Variants in LANCL1 observed in about 807,000 individuals in gnomAD.
The protein encoded by LANCL1 is glutathione S-transferase LANCL1.
Under a neutral mutation model 50.6 loss-of-function variants are expected in LANCL1, and 50 were observed. That is an observed-to-expected ratio of 0.99 (90% CI 0.79 to 1.25). The LOEUF (loss-of-function observed/expected upper bound fraction) is 1.25, where lower values mean the gene tolerates loss of function less well. LANCL1 is among the 50% of genes most tolerant of loss of function. The pLI, the probability that LANCL1 is intolerant of heterozygous loss-of-function variation, is 0.00. For missense variants in LANCL1, 532 were observed against 480.7 expected (o/e 1.11, Z -1.00); for synonymous variants, 188 against 178.6 (o/e 1.05, Z -0.42).
At chr2:210,440,495 G>C in intron 6 of LANCL1, 103 bp downstream of exon 6, 2 of 1,131,004 alleles carry the variant, frequency 1.8e-6, no homozygotes, top group Non-Finnish European at 1.2e-6. Flanking sequence ...TAATGCAGTG[G>C]TTGACAGAAT....
At chr2:210,472,465 C>T (rs1298343040) in intron 2 of LANCL1, among the ~76,000 whole-genome samples, 2 of 152,034 alleles carry the variant, frequency 1.3e-5, no homozygotes, top group Non-Finnish European at 2.9e-5. Flanking sequence ...ATTCAAGCTG[C>T]AGCAAGGTAA....
intron 3 of LANCL1, among the ~76,000 whole-genome samples, chr2:210,467,949 A>AT (rs1694118633): frequency 6.6e-6 from 1 of 152,228 alleles, no homozygotes; most frequent in Admixed American, 6.5e-5. Context: ...CATGGTACAA[A>AT]TTGGAAACTT....
chr2:210,453,522 C>G (rs1304748469), intron 4 of LANCL1, among the ~76,000 whole-genome samples: 1 of 152,172 alleles, frequency 6.6e-6, no homozygotes, highest in Non-Finnish European at 1.5e-5. Context: ...ATCTATGAAT[C>G]TTGGTCTCAT....
intron 3 of LANCL1, among the ~76,000 whole-genome samples, chr2:210,458,232 T>C (rs1221827385): frequency 6.6e-6 from 1 of 152,076 alleles, no homozygotes; most frequent in Non-Finnish European, 1.5e-5. Context: ...AAGAGAAAAA[T>C]AAACTTCGGT....
chr2:210,464,982 A>AAAACAACAACAAC (rs747313716), intron 3 of LANCL1, among the ~76,000 whole-genome samples: 1 of 139,532 alleles, frequency 7.2e-6, no homozygotes, highest in African/African-American at 2.7e-5. Flanking sequence ...CAAAAAAAAA[A>AAAACAACAACAAC]AAAAAAAAAC....
intron 3 of LANCL1, among the ~76,000 whole-genome samples, chr2:210,457,056 G>A (rs1409319845): frequency 6.6e-6 from 1 of 152,140 alleles, no homozygotes; most frequent in Admixed American, 6.6e-5. Context: ...ACAATCTCAT[G>A]TTCCAGTTCT....
Position 210,472,042 on chromosome 2 carries a change from T to C in LANCL1, c.116A>G (p.Lys39Arg), listed in dbSNP as rs145822948. Residue 39 changes from lysine to arginine, a missense_variant, in exon 3 of 10, where the codon AAG becomes AGG. By Grantham distance (26) the Lys-to-Arg change is conservative. Coordinates refer to ENST00000450366, the MANE Select transcript of LANCL1 (RefSeq NM_006055.3). ...TPEFSQRLTN[K>R]IRELLQQMER... Reference sequence around the variant, plus strand: ...CATTTGCTGAAGAAGCTCCCGAATCTTATTGGTCAAGCGTTGTGAGAACTC... The same window carrying C: ...CATTTGCTGAAGAAGCTCCCGAATCCTATTGGTCAAGCGTTGTGAGAACTC... 31 of 1,614,054 alleles carry C rather than the reference T, an allele frequency of 1.9e-5. No individual in the cohort carries two copies. The highest frequency in any genetic ancestry group is 2.6e-5 in the Non-Finnish European group (31 of 1,179,994).
At chr2:210,475,385 CA>C (rs1694327890) in intron 2 of LANCL1, among the ~76,000 whole-genome samples, 1 of 152,218 alleles carries the variant, frequency 6.6e-6, no homozygotes, top group South Asian at 2.1e-4. Flanking sequence ...GGCTAGAGTG[CA>C]GTGGTGCAAT....
chr2:210,454,680 T>C (rs568700378), intron 4 of LANCL1, among the ~76,000 whole-genome samples: 1 of 152,290 alleles, frequency 6.6e-6, no homozygotes, highest in African/African-American at 2.4e-5. Context: ...CCACCATAAT[T>C]TATACCAAAA....
Position 210,434,471 on chromosome 2 carries a change from G to T in LANCL1, c.*16C>A. ...GAAAGGGTCATGCAGTGAGTTGCAG[G>T]TGGCATGCTATCCTTTCAGAGTTCA... On this transcript the variant is annotated 3_prime_UTR_variant, in exon 10 of 10. Coordinates refer to ENST00000450366, the MANE Select transcript of LANCL1 (RefSeq NM_006055.3). 4 of 1,604,820 alleles carry T rather than the reference G, an allele frequency of 2.5e-6. No individual in the cohort carries two copies. The South Asian group carries it at 4.4e-5, about 18-fold the overall frequency.
rs1693629340 is a variant in LANCL1 at position 210,455,213 on chromosome 2, T to C, written c.301A>G (p.Lys101Glu). The change falls in exon 4 of 10, where the codon AAG becomes GAG. Residue 101 changes from lysine to glutamate, a missense_variant. Coordinates refer to ENST00000450366, the MANE Select transcript of LANCL1 (RefSeq NM_006055.3). Reference protein sequence around the residue: ...YVKQSLNCLTKRSITFLCGDA... With the variant: ...YVKQSLNCLTERSITFLCGDA... ...CCACAAAGGAAGGTGATGGAGCGCT[T>C]GGTTAAGCAGTTCAGACTTTGCTTT... is the stretch of plus-strand genomic sequence containing the variant. The C allele has an allele frequency of 6.2e-7, 1 of 1,613,544 alleles. No individual in the cohort carries two copies. The highest frequency in any genetic ancestry group is 8.5e-7 in the Non-Finnish European group (1 of 1,179,784).
At chr2:210,460,975 A>G (rs1169598210) in intron 3 of LANCL1, 1 of 152,172 alleles carries the variant, frequency 6.6e-6, no homozygotes, top group Non-Finnish European at 1.5e-5. Context: ...AAAACAGGGA[A>G]ACATTGTTTT....
rs1694175554 is a variant in LANCL1 at position 210,469,954 on chromosome 2, T to C, written c.199+2005A>G. On this transcript the variant is annotated intron_variant, in intron 3 of 9. Coordinates refer to ENST00000450366, the MANE Select transcript of LANCL1 (RefSeq NM_006055.3). ...TAAGTCATTCTTTTGTAATCAGTAC[T>C]AGAATTAACTAGTGATTTTTTTTTT... is the stretch of plus-strand genomic sequence containing the variant. Among the ~76,000 whole-genome samples the C allele has an allele frequency of 2.8e-5, 4 of 141,312 alleles. No homozygotes were observed. The South Asian group carries it at 9.6e-4, about 34-fold the overall frequency. The allele number at this position is 141,312 out of a possible 152,430, so 92.7% of individuals were successfully genotyped here. A position where few individuals can be genotyped will look rare whatever the true frequency, so the allele number is the denominator to read the frequency against.
chr2:210,462,897 G>C (rs1277079250), intron 3 of LANCL1, among the ~76,000 whole-genome samples: 1 of 152,136 alleles, frequency 6.6e-6, no homozygotes, highest in East Asian at 1.9e-4. Flanking sequence ...CTAGTCATTA[G>C]CCACTTCTAT....
At position 210,432,626 on chromosome 2, in the gene LANCL1, G is replaced by A. The variant is rs1255087930; in HGVS notation, c.*1861C>T. On this transcript the variant is annotated 3_prime_UTR_variant, in exon 10 of 10. Transcript: ENST00000450366. ...GAAACTGTTATTTTTCCCTTGCTTA[G>A]TAACGCAGCTAAAAGCATAGGCACA... 6.6e-6 allele frequency: 1 copy of A among 152,192 alleles called. No individual in the cohort carries two copies. The highest frequency in any genetic ancestry group is 2.4e-5 in the African/African-American group (1 of 41,442). 9.4% of individuals were successfully genotyped at this position (152,192 alleles called of 1,614,324 possible). A position where few individuals can be genotyped will look rare whatever the true frequency, so the allele number is the denominator to read the frequency against.
chr2:210,471,856 C>G, intron 3 of LANCL1, 103 bp downstream of exon 3: 1 of 831,806 alleles, frequency 1.2e-6, no homozygotes. Flanking sequence ...TATGCAGATG[C>G]AGGAAGCATT....
At chr2:210,454,277 G>T (rs959485340) in intron 4 of LANCL1, among the ~76,000 whole-genome samples, 1 of 150,684 alleles carries the variant, frequency 6.6e-6, no homozygotes, top group African/African-American at 2.4e-5. Flanking sequence ...AACAATAGGG[G>T]TATAAATCAT....
intron 4 of LANCL1, chr2:210,442,631 T>G (rs1476553146): frequency 6.6e-6 from 1 of 152,214 alleles, no homozygotes. Context: ...ATTTGAGGTC[T>G]CTGAAAAGCA....
In LANCL1 at chr2:210,476,491, GTATCCCCCT is replaced by G. The variant is rs2105934382; in HGVS notation, c.-16-88_-16-80del. 3 of 1,474,820 alleles carry G rather than the reference GTATCCCCCT, an allele frequency of 2.0e-6. No individual in the cohort carries two copies. In the South Asian group the frequency reaches 3.9e-5, roughly 19 times the overall value. The allele number at this position is 1,474,820 out of a possible 1,614,324, so 91.4% of individuals were successfully genotyped here. A position where few individuals can be genotyped will look rare whatever the true frequency, so the allele number is the denominator to read the frequency against. On this transcript the variant is annotated intron_variant, in intron 1 of 9. Coordinates refer to ENST00000450366, the MANE Select transcript of LANCL1 (RefSeq NM_006055.3). The stretch of plus-strand genomic sequence containing the variant: ...TTGCGAGGGCGGCGGCGGCGCCCAG[GTATCCCCCT>G]TCCTCCAGCTCCAGGGCCATCGAGC...
Sources: allele counts gnomAD v4.1 joint callset (sites outside exome capture counted in the v4.1 genomes callset), GRCh38; gene constraint gnomAD v4.1.1; transcripts MANE v1.5; gene names NCBI Gene and HGNC (gene_info 2026-07-23, HGNC 2026-07-21).